Variants in TMEM167B observed in about 807,000 individuals in gnomAD.
The protein encoded by TMEM167B is transmembrane protein 167B.
A neutral mutation model predicts 9.4 loss-of-function variants in TMEM167B; 2 were observed. That is an observed-to-expected ratio of 0.21 (90% confidence interval 0.09 to 0.67). TMEM167B has a LOEUF of 0.67. Ranked by LOEUF, TMEM167B falls within the 30% of genes least tolerant of loss-of-function variation. The pLI, the probability that TMEM167B is intolerant of heterozygous loss-of-function variation, is 0.82. For synonymous variants in TMEM167B, 28 were observed against 32.0 expected (o/e 0.87, Z 0.42); for missense variants, 68 against 87.6 (o/e 0.78, Z 0.89).
At chr1:109,092,343 C>T (rs180674538) in intron 1 of TMEM167B, among the ~76,000 whole-genome samples, 1 of 152,280 alleles carries the variant, frequency 6.6e-6, no homozygotes, top group East Asian at 1.9e-4. Flanking sequence ...ATATTCTTCA[C>T]CAACAGTTGC....
chr1:109,091,034 C>G, intron 1 of TMEM167B, 152 bp downstream of exon 1: 1 of 893,070 alleles, frequency 1.1e-6, no homozygotes, highest in Non-Finnish European at 1.7e-6. Context: ...TACCCCTATA[C>G]TCCTCTACGG....
At chr1:109,091,180 T>C (rs1362852830) in intron 1 of TMEM167B, among the ~76,000 whole-genome samples, 1 of 152,186 alleles carries the variant, frequency 6.6e-6, no homozygotes, top group Admixed American at 6.5e-5. Context: ...GTCCCAGAGG[T>C]ACTACTGCTA....
rs553454469 is a variant in TMEM167B at position 109,096,452 on chromosome 1, T to G, written c.*1953T>G. ...GGCAAATGTCTCTAAGCTTGGTGTT[T>G]AGAGCTGCTTCATATTTTAAACTAG... On this transcript the variant is annotated 3_prime_UTR_variant, in exon 3 of 3. Transcript: ENST00000338272. The G allele has an allele frequency of 6.6e-6, 1 of 152,350 alleles. No individual in the cohort carries two copies. Among genetic ancestry groups the G allele is most frequent in the Non-Finnish European group, 1.5e-5 (1 of 68,034 alleles). The allele number at this position is 152,350 out of a possible 1,614,324, so 9.4% of individuals were successfully genotyped here. A position where few individuals can be genotyped will look rare whatever the true frequency, so the allele number is the denominator to read the frequency against.
At chr1:109,093,203 T>A in intron 2 of TMEM167B, 182 bp downstream of exon 2, 1 of 870,994 alleles carries the variant, frequency 1.1e-6, no homozygotes, top group Non-Finnish European at 1.7e-6. Context: ...AGGTAAAAGT[T>A]AAAATTTGCT....
At chr1:109,094,396 C>A in intron 2 of TMEM167B, 21 bp from the exon 3 acceptor site, 13 of 1,613,502 alleles carry the variant, frequency 8.1e-6, no homozygotes, top group Non-Finnish European at 1.1e-5. Flanking sequence ...GGTGTGATTT[C>A]TTCTCTCTTT....
At chr1:109,093,874 T>G (rs1664508879) in intron 2 of TMEM167B, 1 of 153,162 alleles carries the variant, frequency 6.5e-6, no homozygotes, top group African/African-American at 2.4e-5. Flanking sequence ...CGGTGGCTCA[T>G]GCCTGTAATC....
Position 109,090,804 on chromosome 1 carries a change from G to C in TMEM167B, c.-69G>C, listed in dbSNP as rs1664428458. The C allele has an allele frequency of 1.3e-6, 2 of 1,549,544 alleles. No individual in the cohort carries two copies. Among genetic ancestry groups the C allele is most frequent in the Non-Finnish European group, 1.7e-6 (2 of 1,143,636 alleles). On this transcript the variant is annotated 5_prime_UTR_variant, in exon 1 of 3. Transcript: ENST00000338272. ...GCCCGGATCGGGAAGTGTCAAGCGGGCGCTCCCCCATCTCCGCCGCTATTA... is the reference window on the plus strand; with the variant it reads ...GCCCGGATCGGGAAGTGTCAAGCGGCCGCTCCCCCATCTCCGCCGCTATTA...
At chr1:109,094,210 G>C (rs1191749361) in intron 2 of TMEM167B, among the ~76,000 whole-genome samples, 1 of 152,146 alleles carries the variant, frequency 6.6e-6, no homozygotes, top group Non-Finnish European at 1.5e-5. Flanking sequence ...AACCCGGGTG[G>C]CAGAGGTTGC....
Position 109,094,540 on chromosome 1 carries a change from C to T in TMEM167B, c.*41C>T, listed in dbSNP as rs374823909. The T allele has an allele frequency of 2.6e-5, 42 of 1,597,934 alleles. No individual in the cohort carries two copies. The highest frequency in any genetic ancestry group is 2.6e-5 in the Non-Finnish European group (30 of 1,166,772). ...AGTCATCAACTGCCAACCAAGGGGA[C>T]GGGGATGAAGAACCTGTTGGAGACC... On this transcript the variant is annotated 3_prime_UTR_variant, in exon 3 of 3. Coordinates refer to ENST00000338272, the MANE Select transcript of TMEM167B (RefSeq NM_020141.4).
chr1:109,090,943 C>T, intron 1 of TMEM167B, 61 bp downstream of exon 1: 1 of 1,543,532 alleles, frequency 6.5e-7, no homozygotes, highest in South Asian at 1.2e-5. Context: ...ACGTGGCGGG[C>T]GGGGCCGGGA....
intron 2 of TMEM167B, 82 bp from the exon 3 acceptor site, chr1:109,094,335 C>G (rs1193503777): frequency 7.2e-7 from 1 of 1,384,802 alleles, no homozygotes; most frequent in African/African-American, 1.4e-5. Context: ...CTGTCTGTGA[C>G]TAGAGACTTC....
At position 109,094,449 on chromosome 1, in the gene TMEM167B, G is replaced by C. The variant is rs1396595320; in HGVS notation, c.175G>C (p.Val59Leu). 10 of 1,613,946 alleles carry C rather than the reference G, an allele frequency of 6.2e-6. No homozygotes were observed. The highest frequency in any genetic ancestry group is 8.5e-6 in the Non-Finnish European group (10 of 1,180,040). Residue 59 changes from valine to leucine, a missense_variant, in exon 3 of 3, where the codon GTG becomes CTG. By Grantham distance (32) the Val-to-Leu change is conservative. Transcript: ENST00000338272. ...GATTGGAACCAGGCTGCATGCTGCTGTGGCAATTGCTTGTGTTGTAATGGC... is the reference window on the plus strand; with the variant it reads ...GATTGGAACCAGGCTGCATGCTGCTCTGGCAATTGCTTGTGTTGTAATGGC... Reference protein sequence around the residue: ...AVIGTRLHAAVAIACVVMAFY... With the variant: ...AVIGTRLHAALAIACVVMAFY...
chr1:109,090,822 C>T lies in TMEM167B; in HGVS notation c.-51C>T. The stretch of plus-strand genomic sequence containing the variant: ...CAAGCGGGCGCTCCCCCATCTCCGC[C>T]GCTATTACCACTGAACCCGGACCCC... On this transcript the variant is annotated 5_prime_UTR_variant, in exon 1 of 3. Transcript: ENST00000338272. The T allele has an allele frequency of 3.8e-6, 6 of 1,569,182 alleles. No homozygotes were observed. The highest frequency in any genetic ancestry group is 5.2e-6 in the Non-Finnish European group (6 of 1,156,674).
intron 1 of TMEM167B, chr1:109,091,856 C>G (rs899334095): frequency 7.9e-5 from 12 of 152,150 alleles, no homozygotes; most frequent in African/African-American, 2.9e-4. Flanking sequence ...GTAGTGTGAT[C>G]TAGAACTGGC....
Position 109,096,191 on chromosome 1 carries a change from A to C in TMEM167B, c.*1692A>C, listed in dbSNP as rs940290954. ...TAATCATCTCAGAGTTGTGGCTGTTATCTCTTCAGGAATTGGTCCACAGGG... is the reference window on the plus strand; with the variant it reads ...TAATCATCTCAGAGTTGTGGCTGTTCTCTCTTCAGGAATTGGTCCACAGGG... On this transcript the variant is annotated 3_prime_UTR_variant, in exon 3 of 3. Transcript: ENST00000338272. The C allele has an allele frequency of 9.2e-5, 14 of 152,360 alleles. No individual in the cohort carries two copies. In the East Asian group the frequency reaches 2.5e-3, roughly 27 times the overall value. 9.4% of individuals were successfully genotyped at this position (152,360 alleles called of 1,614,324 possible).
chr1:109,093,560 A>C (rs890361751), intron 2 of TMEM167B: 1 of 153,146 alleles, frequency 6.5e-6, no homozygotes, highest in African/African-American at 2.4e-5. Flanking sequence ...TGTATTCTCC[A>C]TGGAGTAAAA....
intron 1 of TMEM167B, 90 bp downstream of exon 1, chr1:109,090,972 C>T: frequency 6.8e-7 from 1 of 1,461,924 alleles, no homozygotes; most frequent in Non-Finnish European, 9.2e-7. Context: ...GCCGTTCTCC[C>T]CGCCCCCTCC....
intron 1 of TMEM167B, among the ~76,000 whole-genome samples, chr1:109,092,112 G>T (rs1440519710): frequency 6.6e-6 from 1 of 152,158 alleles, no homozygotes; most frequent in Non-Finnish European, 1.5e-5. Context: ...CAAGAAATAA[G>T]CTTGGTTTAT....
intron 1 of TMEM167B, among the ~76,000 whole-genome samples, chr1:109,092,319 T>G (rs150915327): frequency 6.6e-6 from 1 of 152,208 alleles, no homozygotes; most frequent in Non-Finnish European, 1.5e-5. Flanking sequence ...TTAAGCTTAA[T>G]TTTTTGCCTT....
Sources: allele counts gnomAD v4.1 joint callset (sites outside exome capture counted in the v4.1 genomes callset), GRCh38; gene constraint gnomAD v4.1.1; transcripts MANE v1.5; gene names NCBI Gene and HGNC (gene_info 2026-07-23, HGNC 2026-07-21).